The following SUCLA2 variants were observed in gnomAD, a reference collection of about 807,000 sequenced individuals.
SUCLA2 encodes succinate-CoA ligase ADP-forming subunit beta, also known as succinate--CoA ligase [ADP-forming] subunit beta, mitochondrial.
SUCLA2 carries 30 observed loss-of-function variants against 54.8 expected under a neutral mutation model. That is an observed-to-expected ratio of 0.55 (90% CI 0.41 to 0.74). SUCLA2 has a LOEUF of 0.74. Ranked by LOEUF, SUCLA2 falls within the 30% of genes least tolerant of loss-of-function variation. SUCLA2 has a pLI of 0.00. For synonymous variants in SUCLA2, 172 were observed against 188.9 expected (o/e 0.91, Z 0.74); for missense variants, 476 against 562.9 (o/e 0.85, Z 1.56).
chr13:47,982,456 T>C (rs1950067296), intron 4 of SUCLA2, among the ~76,000 whole-genome samples: 1 of 150,498 alleles, frequency 6.6e-6, no homozygotes, highest in African/African-American at 2.5e-5. Context: ...GTTCAATGAA[T>C]AGTTTTAATT....
intron 6 of SUCLA2, among the ~76,000 whole-genome samples, chr13:47,962,944 C>A (rs988505706): frequency 3.3e-5 from 5 of 152,210 alleles, no homozygotes; most frequent in Non-Finnish European, 5.9e-5. Context: ...CACATCCAGA[C>A]AATGAGACTC....
Position 48,001,013 on chromosome 13 carries a change from C to G in SUCLA2, c.90+167G>C, listed in dbSNP as rs1724238901. 1.0e-5 allele frequency: 15 copies of G among 1,466,238 alleles called. No homozygotes were observed. In the South Asian group the frequency reaches 1.9e-4, roughly 19 times the overall value. The allele number at this position is 1,466,238 out of a possible 1,614,324, so 90.8% of individuals were successfully genotyped here. A position where few individuals can be genotyped will look rare whatever the true frequency, so the allele number is the denominator to read the frequency against. ...AGAGCCGCGCAAACATGGGCTCGCT[C>G]GTAGTCCTGGCGAGCAGCACTCCCA... On this transcript the variant is annotated intron_variant, in intron 1 of 10. Transcript: ENST00000646932.
Position 47,988,962 on chromosome 13 carries a change from T to C in SUCLA2, c.291A>G (p.Ile97Met). The change falls in exon 3 of 11, where the codon ATA (isoleucine) becomes ATG (methionine). Residue 97 changes from isoleucine to methionine, a missense_variant. By Grantham distance (10) the Ile-to-Met change is conservative (BLOSUM62 1). This residue lies in a region of SUCLA2 where 134 missense variants were observed against 118.7 expected (regional missense o/e 1.13). Coordinates refer to ENST00000646932, the MANE Select transcript of SUCLA2 (RefSeq NM_003850.3). ...AKKLGSKDVV[I>M]KAQVLAGGRG... is the part of the protein sequence containing the mutation. The stretch of plus-strand genomic sequence containing the variant: ...TACCACCAGCTAAAACCTGTGCCTT[T>C]ATCACGACATCTTTTGAACCTAGAA... 1 of 1,613,700 alleles carries C rather than the reference T, an allele frequency of 6.2e-7. No homozygotes were observed. Among genetic ancestry groups the C allele is most frequent in the Non-Finnish European group, 8.5e-7 (1 of 1,179,970 alleles).
intron 6 of SUCLA2, chr13:47,965,514 AAC>A (rs1246814354): frequency 7.5e-5 from 29 of 386,952 alleles, no homozygotes; most frequent in African/African-American, 3.4e-4. Flanking sequence ...AAAACAAACA[AAC>A]AAAAAAAAAA....
intron 5 of SUCLA2, among the ~76,000 whole-genome samples, chr13:47,970,256 G>C (rs1186418397): frequency 6.6e-6 from 1 of 151,922 alleles, no homozygotes; most frequent in East Asian, 1.9e-4. Context: ...AAATGTTTAG[G>C]CTTAAACATT....
chr13:47,974,434 T>C (rs1949992590), intron 4 of SUCLA2, among the ~76,000 whole-genome samples: 1 of 151,620 alleles, frequency 6.6e-6, no homozygotes, highest in African/African-American at 2.4e-5. Context: ...AAAATACAAA[T>C]AAATTAGCCA....
At chr13:47,962,238 A>G (rs1949876628) in intron 6 of SUCLA2, among the ~76,000 whole-genome samples, 1 of 152,190 alleles carries the variant, frequency 6.6e-6, no homozygotes. Flanking sequence ...TAATAAGTAG[A>G]ATTTGAGGCA....
intron 4 of SUCLA2, among the ~76,000 whole-genome samples, chr13:47,984,226 C>T (rs1359302296): frequency 6.6e-6 from 1 of 151,270 alleles, no homozygotes; most frequent in African/African-American, 2.4e-5. Context: ...CACAGTCTCA[C>T]TCTGTCACCC....
intron 6 of SUCLA2, among the ~76,000 whole-genome samples, chr13:47,962,971 A>T (rs948907819): frequency 2.0e-5 from 3 of 152,040 alleles, no homozygotes; most frequent in Non-Finnish European, 4.4e-5. Flanking sequence ...CGTATTCATC[A>T]TGACTGCTTC....
chr13:47,966,525 TAAA>T (rs372783186), intron 6 of SUCLA2, among the ~76,000 whole-genome samples: 5 of 141,254 alleles, frequency 3.5e-5, no homozygotes, highest in African/African-American at 1.3e-4. Context: ...TTGCCGTTTT[TAAA>T]AAAAAAAAAA....
At chr13:47,974,927 G>A (rs138630102) in intron 4 of SUCLA2, among the ~76,000 whole-genome samples, 1 of 152,106 alleles carries the variant, frequency 6.6e-6, no homozygotes, top group African/African-American at 2.4e-5. Context: ...GCCCTAGGTC[G>A]TTTTCTCAAT....
At chr13:47,965,988 C>T (rs1949915394) in intron 6 of SUCLA2, among the ~76,000 whole-genome samples, 2 of 152,180 alleles carry the variant, frequency 1.3e-5, no homozygotes, top group Admixed American at 1.3e-4. Flanking sequence ...GTGGAGCTTG[C>T]AGTCAGCCGA....
chr13:47,979,119 G>C (rs902895913), intron 4 of SUCLA2, among the ~76,000 whole-genome samples: 2 of 152,152 alleles, frequency 1.3e-5, no homozygotes, highest in East Asian at 1.9e-4. Context: ...ATTCCTCAAG[G>C]ATCTAGAACC....
chr13:47,970,210 T>A (rs1253540329), intron 5 of SUCLA2, among the ~76,000 whole-genome samples: 2 of 152,050 alleles, frequency 1.3e-5, no homozygotes, highest in Admixed American at 6.5e-5. Context: ...TTTTTCACTA[T>A]GTCACAACTC....
At chr13:47,991,301 T>C (rs1950147482) in intron 2 of SUCLA2, among the ~76,000 whole-genome samples, 1 of 152,204 alleles carries the variant, frequency 6.6e-6, no homozygotes, top group African/African-American at 2.4e-5. Flanking sequence ...GCTCACTCTG[T>C]TCCAACTGCA....
intron 10 of SUCLA2, chr13:47,946,064 T>C (rs1019751821): frequency 6.6e-6 from 1 of 152,346 alleles, no homozygotes; most frequent in Non-Finnish European, 1.5e-5. Flanking sequence ...TTCACCTCAG[T>C]TCATCTCACC....
intron 6 of SUCLA2, among the ~76,000 whole-genome samples, chr13:47,959,520 G>C (rs1315806940): frequency 6.8e-6 from 1 of 148,006 alleles, no homozygotes; most frequent in Admixed American, 6.7e-5. Context: ...GGAGGAGGAG[G>C]AGGAGGAGGA....
intron 9 of SUCLA2, 112 bp from the exon 10 acceptor site, chr13:47,949,140 T>C (rs1949757442): frequency 1.9e-6 from 2 of 1,053,748 alleles, no homozygotes. Context: ...AGACTTCCAT[T>C]ATTTAGTATA....
intron 2 of SUCLA2, among the ~76,000 whole-genome samples, chr13:47,996,323 C>CAAAAA: frequency 1.1e-5 from 1 of 93,538 alleles, no homozygotes; most frequent in Non-Finnish European, 2.1e-5. Flanking sequence ...AACTCCGTCT[C>CAAAAA]AAAAAAAAAA....
Sources: allele counts gnomAD v4.1 joint callset (sites outside exome capture counted in the v4.1 genomes callset), GRCh38; gene constraint gnomAD v4.1.1; regional missense constraint gnomAD v4.1.1; transcripts MANE v1.5; gene names NCBI Gene and HGNC (gene_info 2026-07-23, HGNC 2026-07-21).